SORCS3: variants seen among roughly 807,000 people sequenced by gnomAD.
SORCS3 encodes sortilin related VPS10 domain containing receptor 3.
Under a neutral mutation model 146.3 loss-of-function variants are expected in SORCS3, and 57 were observed. That is an observed-to-expected ratio of 0.39 (90% confidence interval 0.31 to 0.49). The LOEUF (loss-of-function observed/expected upper bound fraction) is 0.49. Among genes scored for constraint, SORCS3 ranks in the 20% least tolerant of loss-of-function variants. The pLI, the probability that SORCS3 is intolerant of heterozygous loss-of-function variation, is 0.92. For missense variants in SORCS3, 1,341 were observed against 1,575.5 expected (o/e 0.85, Z 2.52); for synonymous variants, 653 against 618.5 (o/e 1.06, Z -0.83).
chr10:104,897,209 C>CTG (rs1226628793), intron 2 of SORCS3, among the ~76,000 whole-genome samples: 3 of 152,202 alleles, frequency 2.0e-5, no homozygotes, highest in Non-Finnish European at 4.4e-5. Flanking sequence ...AGGTAACAGT[C>CTG]TGTGGGCCTA....
At chr10:105,084,078 G>A (rs72817709) in intron 5 of SORCS3, among the ~76,000 whole-genome samples, 3,020 of 152,232 alleles carry the variant, frequency 0.02, 50 homozygotes, top group Non-Finnish European at 0.032. Context: ...GCCTTTTTAA[G>A]TAGAGAAAAA....
intron 7 of SORCS3, among the ~76,000 whole-genome samples, chr10:105,121,601 G>A (rs2055933544): frequency 6.6e-6 from 1 of 152,182 alleles, no homozygotes; most frequent in African/African-American, 2.4e-5. Flanking sequence ...CCCCATCTTG[G>A]TAGATGTTAG....
At chr10:104,920,506 T>G (rs1375098589) in intron 3 of SORCS3, among the ~76,000 whole-genome samples, 1 of 152,236 alleles carries the variant, frequency 6.6e-6, no homozygotes, top group African/African-American at 2.4e-5. Flanking sequence ...AAGAGTTTTA[T>G]CCACATGATC....
rs571716000 is a variant in SORCS3, at chr10:104,845,352, T to C, written c.695+2493T>C. The stretch of plus-strand genomic sequence containing the variant: ...TTAATTCAGTGCTGTATTCTCAGCA[T>C]CTAGAAGATTATTTGGCACACAAGA... On this transcript the variant is annotated intron_variant, in intron 2 of 26. Coordinates refer to ENST00000369701, the MANE Select transcript of SORCS3 (RefSeq NM_014978.3). Among the ~76,000 whole-genome samples, 143 of 152,360 alleles carry C rather than the reference T, an allele frequency of 9.4e-4. 1 individual carries two copies. Among genetic ancestry groups the C allele is most frequent in the African/African-American group, 3.2e-3 (131 of 41,586 alleles).
chr10:104,731,863 C>T (rs965254910), intron 1 of SORCS3, among the ~76,000 whole-genome samples: 11 of 152,178 alleles, frequency 7.2e-5, no homozygotes, highest in Admixed American at 2.0e-4. Context: ...CTTCATTCAT[C>T]TCTGGTTGTT....
chr10:104,674,411 T>C (rs2015890999), intron 1 of SORCS3, among the ~76,000 whole-genome samples: 1 of 152,236 alleles, frequency 6.6e-6, no homozygotes, highest in South Asian at 2.1e-4. Flanking sequence ...GCTTTCATTT[T>C]GATTTTGTGG....
intron 1 of SORCS3, among the ~76,000 whole-genome samples, chr10:104,799,465 G>C (rs1403968566): frequency 6.6e-6 from 1 of 151,874 alleles, no homozygotes; most frequent in East Asian, 1.9e-4. Flanking sequence ...AACACCACAT[G>C]TTCTCAATCA....
rs142264497 is a variant in SORCS3, at chr10:105,029,799, G to A, written c.955-13256G>A. Among the ~76,000 whole-genome samples the A allele has an allele frequency of 1.8e-3, 269 of 152,260 alleles. 1 individual carries two copies. Among genetic ancestry groups the A allele is most frequent in the Non-Finnish European group, 3.1e-3 (214 of 68,010 alleles). ...AGGGGTAGAGGTTAGCTGAAGACAG[G>A]GGGATAAACTTAGTCATAAATATCC... On this transcript the variant is annotated intron_variant, in intron 4 of 26. Coordinates refer to ENST00000369701, the MANE Select transcript of SORCS3 (RefSeq NM_014978.3).
At chr10:104,889,213 A>T (rs1189397731) in intron 2 of SORCS3, among the ~76,000 whole-genome samples, 1 of 147,474 alleles carries the variant, frequency 6.8e-6, no homozygotes, top group African/African-American at 2.5e-5. Context: ...TTTAGACACC[A>T]TCTAGTTGAG....
intron 5 of SORCS3, among the ~76,000 whole-genome samples, chr10:105,054,555 A>G (rs2055433791): frequency 6.6e-6 from 1 of 151,712 alleles, no homozygotes; most frequent in African/African-American, 2.4e-5. Flanking sequence ...GATATTTTTA[A>G]GATTTATAGG....
intron 1 of SORCS3, among the ~76,000 whole-genome samples, chr10:104,765,970 G>A (rs2017175377): frequency 6.6e-6 from 1 of 152,174 alleles, no homozygotes; most frequent in South Asian, 2.1e-4. Context: ...GAACATCTTG[G>A]TATCCACAGC....
At chr10:105,247,939 ATAT>A (rs2056876963) in intron 22 of SORCS3, among the ~76,000 whole-genome samples, 1 of 152,170 alleles carries the variant, frequency 6.6e-6, no homozygotes, top group South Asian at 2.1e-4. Context: ...GTTGTTGCTA[ATAT>A]TATGCACTTG....
intron 1 of SORCS3, among the ~76,000 whole-genome samples, chr10:104,818,591 C>T (rs1236290294): frequency 6.6e-6 from 1 of 152,094 alleles, no homozygotes; most frequent in East Asian, 1.9e-4. Context: ...AGCTGCAGCC[C>T]TGTCCTTGGC....
chr10:104,875,370 C>T (rs1371920324), intron 2 of SORCS3, among the ~76,000 whole-genome samples: 1 of 152,220 alleles, frequency 6.6e-6, no homozygotes, highest in East Asian at 1.9e-4. Flanking sequence ...CCTGACTGTG[C>T]CATTAAATAG....
At chr10:105,242,215 T>G (rs937190370) in intron 20 of SORCS3, among the ~76,000 whole-genome samples, 42 of 146,612 alleles carry the variant, frequency 2.9e-4, no homozygotes, top group African/African-American at 9.5e-4. Flanking sequence ...GTCCTGCATC[T>G]TCAATATTAC....
At chr10:105,031,155 C>G (rs763709748) in intron 4 of SORCS3, among the ~76,000 whole-genome samples, 1 of 151,674 alleles carries the variant, frequency 6.6e-6, no homozygotes, top group Admixed American at 6.6e-5. Flanking sequence ...AAAAATTAGC[C>G]AGGGTTGGTG....
intron 7 of SORCS3, among the ~76,000 whole-genome samples, chr10:105,135,589 T>C (rs976523229): frequency 3.0e-4 from 45 of 152,176 alleles, no homozygotes; most frequent in Admixed American, 4.6e-4. Context: ...TCCCTTTCAA[T>C]TGTAAGCTGC....
intron 5 of SORCS3, among the ~76,000 whole-genome samples, chr10:105,079,228 T>G (rs1382312499): frequency 6.6e-6 from 1 of 152,172 alleles, no homozygotes; most frequent in Non-Finnish European, 1.5e-5. Flanking sequence ...AGAATCAGAA[T>G]GAGAGGACTA....
intron 1 of SORCS3, among the ~76,000 whole-genome samples, chr10:104,834,120 T>C (rs1199995883): frequency 1.3e-5 from 2 of 152,130 alleles, no homozygotes; most frequent in Non-Finnish European, 2.9e-5. Flanking sequence ...CTGCTGTTAC[T>C]CTGGTCCAGT....
Sources: gnomAD v4.1 joint callset for allele counts (sites outside exome capture counted in the v4.1 genomes callset) on GRCh38, gnomAD v4.1.1 for gene constraint, MANE v1.5 for transcripts, NCBI Gene and HGNC (gene_info 2026-07-23, HGNC 2026-07-21) for gene names.